Variants in LIPH observed in about 807,000 individuals in gnomAD.
The protein encoded by LIPH is lipase H, also known as lipase member H.
Under a neutral mutation model 47.6 loss-of-function variants are expected in LIPH, and 32 were observed. The ratio of observed to expected loss-of-function variants is 0.67; its 90% confidence interval spans 0.51 to 0.90. The LOEUF (loss-of-function observed/expected upper bound fraction) is 0.90. LIPH is among the 40% of genes least tolerant of loss of function. The pLI, the probability that LIPH is intolerant of heterozygous loss-of-function variation, is 0.00. For missense variants in LIPH, 497 were observed against 541.4 expected (o/e 0.92, Z 0.81); for synonymous variants, 190 against 195.6 (o/e 0.97, Z 0.24).
At chr3:185,522,392 CT>C (rs1719918645) in intron 5 of LIPH, among the ~76,000 whole-genome samples, 1 of 151,646 alleles carries the variant, frequency 6.6e-6, no homozygotes, top group Non-Finnish European at 1.5e-5. Flanking sequence ...ACCTGTAATC[CT>C]AACACTTTGG....
chr3:185,540,382 G>T (rs3849569), intron 1 of LIPH, among the ~76,000 whole-genome samples: 1 of 151,838 alleles, frequency 6.6e-6, no homozygotes, highest in East Asian at 1.9e-4. Context: ...GAAGTTTATA[G>T]CTTGCTTTAA....
chr3:185,545,004 C>G (rs1720825893), intron 1 of LIPH, among the ~76,000 whole-genome samples: 1 of 150,022 alleles, frequency 6.7e-6, no homozygotes, highest in Middle Eastern at 3.2e-3. Context: ...AAAGCAAAAT[C>G]CTTTTGAGTT....
At chr3:185,523,712 A>T (rs1719976257) in intron 5 of LIPH, among the ~76,000 whole-genome samples, 1 of 150,826 alleles carries the variant, frequency 6.6e-6, no homozygotes, top group Non-Finnish European at 1.5e-5. Flanking sequence ...TGGCCAAAAT[A>T]TGCCTTTTTT....
intron 1 of LIPH, among the ~76,000 whole-genome samples, chr3:185,537,436 A>G (rs1464464958): frequency 1.3e-5 from 2 of 151,938 alleles, no homozygotes; most frequent in African/African-American, 4.8e-5. Flanking sequence ...GCTCGTGATT[A>G]AGTATTTTCT....
rs2148946118 is a variant in LIPH, at chr3:185,511,598, T to C, written c.1194A>G (p.Thr398=). 6.2e-7 allele frequency: 1 copy of C among 1,613,938 alleles called. No homozygotes were observed. Among genetic ancestry groups the C allele is most frequent in the Non-Finnish European group, 8.5e-7 (1 of 1,179,812 alleles). The change falls in exon 9 of 10, where the codon ACA becomes ACG. Residue 398 remains threonine, a synonymous_variant. Transcript: ENST00000296252. The stretch of plus-strand genomic sequence containing the variant: ...TGTACCTTGGGCCTATTAGAGATCC[T>C]GTAGAGAACATCAAGGAAATTGCAG... The part of the protein sequence containing the change: ...KVAAISLMFS[T]GSLIGPRYKL...
At position 185,508,708 on chromosome 3, in the gene LIPH, C is replaced by G; in HGVS notation, c.*82G>C. 9.9e-7 allele frequency: 1 copy of G among 1,013,748 alleles called. No individual in the cohort carries two copies. The highest frequency in any genetic ancestry group is 1.6e-6 in the Non-Finnish European group (1 of 635,648). 62.8% of individuals were successfully genotyped at this position (1,013,748 alleles called of 1,614,324 possible). On this transcript the variant is annotated 3_prime_UTR_variant, in exon 10 of 10. Coordinates refer to ENST00000296252, the MANE Select transcript of LIPH (RefSeq NM_139248.3). ...TTTTTTTCATACTTTTTCTGCCTTG[C>G]AGAAAGGTGAGGTGAAGCTTTCAAA... is the stretch of plus-strand genomic sequence containing the variant.
chr3:185,533,966 G>T (rs908784608), intron 2 of LIPH, among the ~76,000 whole-genome samples: 1 of 152,234 alleles, frequency 6.6e-6, no homozygotes, highest in Non-Finnish European at 1.5e-5. Context: ...GCCCACGCTT[G>T]TAATCCCAGC....
intron 1 of LIPH, among the ~76,000 whole-genome samples, chr3:185,539,791 G>T (rs1402898242): frequency 2.0e-5 from 3 of 152,278 alleles, no homozygotes; most frequent in African/African-American, 7.2e-5. Context: ...CATATACTTG[G>T]TGTGGTGCCC....
intron 1 of LIPH, among the ~76,000 whole-genome samples, chr3:185,551,407 A>T (rs886758449): frequency 3.9e-5 from 6 of 152,192 alleles, no homozygotes; most frequent in African/African-American, 1.2e-4. Context: ...TTACCAACAA[A>T]TTTAAGTTCT....
intron 1 of LIPH, among the ~76,000 whole-genome samples, chr3:185,552,150 G>C (rs1721066794): frequency 6.6e-6 from 1 of 150,868 alleles, no homozygotes; most frequent in Non-Finnish European, 1.5e-5. Flanking sequence ...TTTGATTGTT[G>C]TAAATAAGAA....
rs553120042 is a variant in LIPH, at chr3:185,536,821, C to A, written c.50-1689G>T. Among the ~76,000 whole-genome samples, 9 of 152,092 alleles carry A rather than the reference C, an allele frequency of 5.9e-5. No individual in the cohort carries two copies. The South Asian group carries it at 1.9e-3, about 32-fold the overall frequency. ...AGTGAAATTTGTTCCCAGAAAACACCGTCTGTAGGATTTCTGCTTTCATGA... is the reference window on the plus strand; with the variant it reads ...AGTGAAATTTGTTCCCAGAAAACACAGTCTGTAGGATTTCTGCTTTCATGA... On this transcript the variant is annotated intron_variant, in intron 1 of 9. Transcript: ENST00000296252.
chr3:185,539,827 C>G (rs1720646531), intron 1 of LIPH, among the ~76,000 whole-genome samples: 1 of 152,198 alleles, frequency 6.6e-6, no homozygotes. Context: ...ACCTGCCTTT[C>G]AGAGAAACTT....
Position 185,508,462 on chromosome 3 carries a change from G to C in LIPH, c.*328C>G. ...TCCTTCCCTTGAAGATGCTTGACCC[G>C]CAGCCGCGATGGGCAGAACCACCCG... On this transcript the variant is annotated 3_prime_UTR_variant, in exon 10 of 10. Transcript: ENST00000296252. 3.0e-6 allele frequency: 1 copy of C among 336,904 alleles called. No homozygotes were observed. Among genetic ancestry groups the C allele is most frequent in the Admixed American group, 4.0e-5 (1 of 24,696 alleles). The allele number at this position is 336,904 out of a possible 1,614,324, so 20.9% of individuals were successfully genotyped here.
chr3:185,519,066 T>A (rs1467166860), intron 6 of LIPH, 76 bp downstream of exon 6: 7 of 1,262,634 alleles, frequency 5.5e-6, no homozygotes, highest in Middle Eastern at 1.9e-4. Context: ...AGTTTTTACA[T>A]GATAAAGTGG....
intron 1 of LIPH, chr3:185,547,087 G>A: frequency 6.4e-6 from 2 of 314,772 alleles, no homozygotes; most frequent in Non-Finnish European, 1.2e-5. Flanking sequence ...GTTGCAGTGA[G>A]CCGAGATCAC....
At chr3:185,541,669 G>A (rs961999477) in intron 1 of LIPH, among the ~76,000 whole-genome samples, 4 of 151,850 alleles carry the variant, frequency 2.6e-5, no homozygotes, top group Non-Finnish European at 5.9e-5. Flanking sequence ...GCCTCCCAAA[G>A]TGTGGGATTA....
rs528688395 is a variant in LIPH at position 185,531,248 on chromosome 3, C to G, written c.526+2323G>C. Among the ~76,000 whole-genome samples, 487 of 152,222 alleles carry G rather than the reference C, an allele frequency of 3.2e-3. 5 individuals carry two copies. The highest frequency in any genetic ancestry group is 5.4e-3 in the Non-Finnish European group (370 of 68,014). On this transcript the variant is annotated intron_variant, in intron 3 of 9. Transcript: ENST00000296252. The stretch of plus-strand genomic sequence containing the variant: ...AAAATGGAGGTAGAATTAATAGCTA[C>G]TTCAGAAGACTCATAAGTTCAGGTG...
intron 1 of LIPH, among the ~76,000 whole-genome samples, chr3:185,540,590 C>T (rs542327082): frequency 7.2e-5 from 11 of 151,928 alleles, no homozygotes; most frequent in Middle Eastern, 3.4e-3. Flanking sequence ...TGGTGGCGTG[C>T]GCCTGTAGTC....
intron 1 of LIPH, among the ~76,000 whole-genome samples, chr3:185,551,577 A>G (rs1721050440): frequency 6.6e-6 from 1 of 152,176 alleles, no homozygotes; most frequent in African/African-American, 2.4e-5. Context: ...AAGTTATTGC[A>G]AGTAATATAG....
Sources: allele counts gnomAD v4.1 joint callset (sites outside exome capture counted in the v4.1 genomes callset), GRCh38; gene constraint gnomAD v4.1.1; transcripts MANE v1.5; gene names NCBI Gene and HGNC (gene_info 2026-07-23, HGNC 2026-07-21).